Variants in SIRT6 observed in about 807,000 individuals in gnomAD.
SIRT6 encodes the protein NAD-dependent protein deacylase sirtuin-6.
In SIRT6, 21 loss-of-function variants were observed where a neutral mutation model predicts 33.6. The observed-to-expected ratio is 0.62, with a 90% CI of 0.44 to 0.90. The LOEUF is 0.90. Among genes scored for constraint, SIRT6 ranks in the 40% least tolerant of loss-of-function variants. The pLI, the probability that SIRT6 is intolerant of heterozygous loss-of-function variation, is 0.00. For missense variants in SIRT6, 504 were observed against 510.6 expected (o/e 0.99, Z 0.12); for synonymous variants, 221 against 223.9 (o/e 0.99, Z 0.12).
intron 1 of SIRT6, among the ~76,000 whole-genome samples, chr19:4,181,818 GACTA>G (rs1967693317): frequency 6.6e-6 from 1 of 152,134 alleles, no homozygotes; most frequent in South Asian, 2.1e-4. Context: ...ATAATAAAGT[GACTA>G]ACAGCAGCAG....
chr19:4,177,156 A>C lies in SIRT6; in HGVS notation c.378-18T>G, dbSNP rs1375485841. Reference sequence around the variant, plus strand: ...GTTTGTCCCTGTGGGAAGAGCAGGAAGAGGCTTGATGGTGGGAAAGGATCC... The same window carrying C: ...GTTTGTCCCTGTGGGAAGAGCAGGACGAGGCTTGATGGTGGGAAAGGATCC... On this transcript the variant is annotated intron_variant, in intron 3 of 7. Coordinates refer to ENST00000337491, the MANE Select transcript of SIRT6 (RefSeq NM_016539.4). 1.9e-6 allele frequency: 3 copies of C among 1,613,496 alleles called. No homozygotes were observed. In the South Asian group the frequency reaches 3.3e-5, roughly 18 times the overall value.
intron 2 of SIRT6, 95 bp from the exon 3 acceptor site, chr19:4,179,381 G>C (rs1438793504): frequency 2.3e-6 from 3 of 1,331,298 alleles, no homozygotes; most frequent in Middle Eastern, 2.0e-4. Flanking sequence ...AAGTTGGAGA[G>C]AGAGAAAATC....
At position 4,175,738 on chromosome 19, in the gene SIRT6, G is replaced by A; in HGVS notation, c.556C>T (p.Leu186=). The change falls in exon 6 of 8, where the codon CTA becomes TTA. Residue 186 remains leucine, a synonymous_variant. Coordinates refer to ENST00000337491, the MANE Select transcript of SIRT6 (RefSeq NM_016539.4). ...ACRGELRDTI[L]DWEDSLPDRD... ...TCGGGCAGGGAGTCCTCCCAGTCTAGGATGGTGTCCCTCAGCTCTCCCCTG... is the reference window on the plus strand; with the variant it reads ...TCGGGCAGGGAGTCCTCCCAGTCTAAGATGGTGTCCCTCAGCTCTCCCCTG... The A allele has an allele frequency of 6.3e-7, 1 of 1,586,900 alleles. No individual in the cohort carries two copies. The highest frequency in any genetic ancestry group is 8.6e-7 in the Non-Finnish European group (1 of 1,166,554).
At position 4,174,729 on chromosome 19, in the gene SIRT6, G is replaced by C; in HGVS notation, c.956C>G (p.Pro319Arg). ...GSIPAGPKQE[P>R]CAQHNGSEPA... Reference sequence around the variant, plus strand: ...CTCTGAGCCGTTGTGCTGGGCGCAGGGCTCCTGCTTGGGGCCGGCGGGGAT... The same window carrying C: ...CTCTGAGCCGTTGTGCTGGGCGCAGCGCTCCTGCTTGGGGCCGGCGGGGAT... Residue 319 changes from proline (P) to arginine (R), a missense_variant, in exon 8 of 8, where the codon CCC becomes CGC. Transcript: ENST00000337491. The surrounding 1 kb of genome is among the most constrained non-coding windows in gnomAD (Gnocchi z 4.2). The C allele has an allele frequency of 6.7e-7, 1 of 1,485,656 alleles. No individual in the cohort carries two copies. The highest frequency in any genetic ancestry group is 2.5e-5 in the East Asian group (1 of 40,628). The allele number at this position is 1,485,656 out of a possible 1,614,324, so 92.0% of individuals were successfully genotyped here.
At chr19:4,176,513 C>T (rs371190560) in intron 4 of SIRT6, among the ~76,000 whole-genome samples, 6 of 152,196 alleles carry the variant, frequency 3.9e-5, no homozygotes, top group Admixed American at 6.5e-5. Flanking sequence ...TGCCTGAACC[C>T]GGGAGGCGGA....
intron 6 of SIRT6, 198 bp downstream of exon 6, chr19:4,175,482 G>A: frequency 3.1e-6 from 2 of 640,888 alleles, no homozygotes; most frequent in South Asian, 2.0e-5. Flanking sequence ...GTTTCCTTGT[G>A]TAGCACCCAC....
At chr19:4,175,314 G>A in intron 6 of SIRT6, 163 bp from the exon 7 acceptor site, 1 of 959,604 alleles carries the variant, frequency 1.0e-6, no homozygotes, top group South Asian at 1.7e-5. Context: ...GCCCTCCTCT[G>A]CGGTCCGTTG....
intron 1 of SIRT6, among the ~76,000 whole-genome samples, chr19:4,181,493 A>C (rs1967662649): frequency 6.6e-6 from 1 of 152,200 alleles, no homozygotes; most frequent in Admixed American, 6.5e-5. Context: ...TGGTGGAATA[A>C]AGTGACTAAC....
At chr19:4,179,786 C>T (rs1967518989) in intron 2 of SIRT6, among the ~76,000 whole-genome samples, 1 of 152,114 alleles carries the variant, frequency 6.6e-6, no homozygotes, top group African/African-American at 2.4e-5. Context: ...AGGTGGGGGC[C>T]CTGGGGCACG....
rs201527794 is a variant in SIRT6, at chr19:4,179,172, G to A, written c.309C>T (p.Arg103=). 4.2e-5 allele frequency: 68 copies of A among 1,612,182 alleles called. 1 individual carries two copies. The East Asian group carries it at 6.0e-4, about 14-fold the overall frequency. The change falls in exon 3 of 8, where the codon CGC becomes CGT. Residue 103 remains arginine, a synonymous_variant. Coordinates refer to ENST00000337491, the MANE Select transcript of SIRT6 (RefSeq NM_016539.4). ...QTHMALVQLE[R]VGLLRFLVSQ... ...TGACCAGGAAGCGGAGGAGGCCCACGCGCTCCAGCTGCACCAGCGCCATGT... is the reference window on the plus strand; with the variant it reads ...TGACCAGGAAGCGGAGGAGGCCCACACGCTCCAGCTGCACCAGCGCCATGT...
intron 3 of SIRT6, 82 bp downstream of exon 3, chr19:4,179,022 A>G (rs1967465474): frequency 6.6e-7 from 1 of 1,507,696 alleles, no homozygotes; most frequent in East Asian, 2.3e-5. Flanking sequence ...TAGAACCAGG[A>G]AAAGGGGACT....
chr19:4,178,242 G>T (rs1292926879), intron 3 of SIRT6, among the ~76,000 whole-genome samples: 1 of 151,596 alleles, frequency 6.6e-6, no homozygotes, highest in Non-Finnish European at 1.5e-5. Flanking sequence ...GGCCAGGCTG[G>T]TCTCGAACTC....
rs201461205 is a variant in SIRT6, at chr19:4,175,736, T to G, written c.558A>C (p.Leu186=). ...GGTCGGGCAGGGAGTCCTCCCAGTCTAGGATGGTGTCCCTCAGCTCTCCCC... is the reference window on the plus strand; with the variant it reads ...GGTCGGGCAGGGAGTCCTCCCAGTCGAGGATGGTGTCCCTCAGCTCTCCCC... ...ACRGELRDTI[L]DWEDSLPDRD... is the part of the protein sequence containing the mutation. Residue 186 remains leucine, a synonymous_variant, in exon 6 of 8, where the codon CTA becomes CTC. Transcript: ENST00000337491. 66 of 1,586,608 alleles carry G rather than the reference T, an allele frequency of 4.2e-5. No individual in the cohort carries two copies. Among genetic ancestry groups the G allele is most frequent in the Non-Finnish European group, 5.1e-5 (59 of 1,166,438 alleles).
rs200211734 is a variant in SIRT6 at position 4,174,786 on chromosome 19, T to C, written c.899A>G (p.Lys300Arg). 3 of 886,036 alleles carry C rather than the reference T, an allele frequency of 3.4e-6. No homozygotes were observed. Among genetic ancestry groups the C allele is most frequent in the Admixed American group, 3.0e-5 (1 of 32,902 alleles). 54.9% of individuals were successfully genotyped at this position (886,036 alleles called of 1,614,324 possible). ...PRPPTPKLEP[K>R]EESPTRINGS... ...GTTGATCCGGGTGGGAGATTCCTCC[T>C]TGGGCTCCAGCTTGGGGGTGGGCGG... Residue 300 changes from lysine to arginine, a missense_variant, in exon 8 of 8, where the codon AAG (lysine) becomes AGG (arginine). By Grantham distance (26) the Lys-to-Arg change is conservative. Coordinates refer to ENST00000337491, the MANE Select transcript of SIRT6 (RefSeq NM_016539.4). The surrounding 1 kb of genome is among the most constrained non-coding windows in gnomAD (Gnocchi z 4.2).
intron 1 of SIRT6, among the ~76,000 whole-genome samples, chr19:4,181,765 C>T (rs1483354916): frequency 1.3e-5 from 2 of 152,104 alleles, no homozygotes; most frequent in African/African-American, 4.8e-5. Context: ...GCACTCCAGC[C>T]TGGGCGACAG....
In SIRT6 at chr19:4,182,544, G is replaced by C; in HGVS notation, c.-5C>G. 1.9e-6 allele frequency: 3 copies of C among 1,609,958 alleles called. No individual in the cohort carries two copies. The highest frequency in any genetic ancestry group is 1.3e-5 in the African/African-American group (1 of 74,724). ...CGCCGCGTAATTCACCGACATCCTC[G>C]ACTGCCCCACGGGAACAATAAAGTT... On this transcript the variant is annotated 5_prime_UTR_variant, in exon 1 of 8. Transcript: ENST00000337491.
At chr19:4,179,375 T>G in intron 2 of SIRT6, 89 bp from the exon 3 acceptor site, 3 of 1,353,736 alleles carry the variant, frequency 2.2e-6, no homozygotes, top group East Asian at 2.6e-5. Context: ...GAGAGAAAGT[T>G]GGAGAGAGAG....
intron 2 of SIRT6, among the ~76,000 whole-genome samples, chr19:4,180,290 C>A (rs536462302): frequency 4.5e-4 from 68 of 151,958 alleles, no homozygotes; most frequent in African/African-American, 1.6e-3. Flanking sequence ...ATATGAAAGA[C>A]TACATTTCCC....
rs1047328472 is a variant in SIRT6, at chr19:4,174,510, C to G, written c.*107G>C. ...AACCCCTGGCCTGGAGCACAGCTCTCAGAGCCCTGAGGCTCCCGGGGACAG... is the reference window on the plus strand; with the variant it reads ...AACCCCTGGCCTGGAGCACAGCTCTGAGAGCCCTGAGGCTCCCGGGGACAG... On this transcript the variant is annotated 3_prime_UTR_variant, in exon 8 of 8. Coordinates refer to ENST00000337491, the MANE Select transcript of SIRT6 (RefSeq NM_016539.4). The surrounding 1 kb of genome is among the most constrained non-coding windows in gnomAD (Gnocchi z 4.2). The G allele has an allele frequency of 1.8e-6, 2 of 1,097,892 alleles. No individual in the cohort carries two copies. Among genetic ancestry groups the G allele is most frequent in the South Asian group, 4.2e-5 (2 of 48,156 alleles). 68.0% of individuals were successfully genotyped at this position (1,097,892 alleles called of 1,614,324 possible). A position where few individuals can be genotyped will look rare whatever the true frequency, so the allele number is the denominator to read the frequency against.
Sources: allele counts gnomAD v4.1 joint callset (sites outside exome capture counted in the v4.1 genomes callset), GRCh38; gene constraint gnomAD v4.1.1; non-coding constraint Gnocchi (gnomAD v3.1); transcripts MANE v1.5; gene names NCBI Gene and HGNC (gene_info 2026-07-23, HGNC 2026-07-21).